CNTN1: variants seen among roughly 807,000 people sequenced by gnomAD.
CNTN1 encodes contactin-1.
CNTN1 carries 38 observed loss-of-function variants against 126.4 expected under a neutral mutation model. The ratio of observed to expected loss-of-function variants is 0.30; its 90% CI spans 0.23 to 0.39. The LOEUF is 0.39. Ranked by LOEUF, CNTN1 falls within the 10% of genes least tolerant of loss-of-function variation. The pLI is 1.00. For synonymous variants in CNTN1, 413 were observed against 422.6 expected, an observed-to-expected ratio of 0.98 and a Z score of 0.28; for missense variants, 1,009 against 1,248.4, an observed-to-expected ratio of 0.81 and a Z score of 2.89.
chr12:40,847,158 G>A (rs1942540710), intron 1 of CNTN1, among the ~76,000 whole-genome samples: 1 of 152,110 alleles, frequency 6.6e-6, no homozygotes, highest in South Asian at 2.1e-4. Context: ...GAGCGACTGT[G>A]CCTGGCCCTC....
At chr12:40,918,514 CTT>C (rs1945324499) in intron 3 of CNTN1, 123 bp from the exon 4 acceptor site, 4 of 870,644 alleles carry the variant, frequency 4.6e-6, no homozygotes, top group Non-Finnish European at 7.3e-6. Context: ...AGGCAAATAT[CTT>C]TGTTTTGAAT....
intron 15 of CNTN1, chr12:40,971,853 G>A (rs557955940): frequency 2.7e-6 from 3 of 1,118,716 alleles, no homozygotes; most frequent in Admixed American, 1.1e-4. Flanking sequence ...AAGAACTGAT[G>A]AATTGTATAA....
At chr12:40,751,332 TA>T (rs1157265171) in intron 1 of CNTN1, among the ~76,000 whole-genome samples, 1 of 152,064 alleles carries the variant, frequency 6.6e-6, no homozygotes, top group Non-Finnish European at 1.5e-5. Context: ...TTATAAAAGT[TA>T]ACTAAGTATC....
intron 1 of CNTN1, among the ~76,000 whole-genome samples, chr12:40,903,688 A>C (rs1309281838): frequency 1.3e-5 from 2 of 152,196 alleles, no homozygotes; most frequent in Non-Finnish European, 2.9e-5. Context: ...GAATGGCAAG[A>C]AATCTATATC....
chr12:40,764,482 C>T (rs1938998600), intron 1 of CNTN1, among the ~76,000 whole-genome samples: 1 of 152,092 alleles, frequency 6.6e-6, no homozygotes, highest in Non-Finnish European at 1.5e-5. Flanking sequence ...TCCTACTCTC[C>T]CACAGAGACT....
intron 1 of CNTN1, among the ~76,000 whole-genome samples, chr12:40,781,246 A>G (rs1364214837): frequency 6.6e-6 from 1 of 152,034 alleles, no homozygotes; most frequent in African/African-American, 2.4e-5. Flanking sequence ...TGTGGGACAA[A>G]AGGCCTCAGA....
At chr12:40,719,356 A>G (rs1255973120) in intron 1 of CNTN1, among the ~76,000 whole-genome samples, 12 of 152,212 alleles carry the variant, frequency 7.9e-5, no homozygotes, top group Admixed American at 7.9e-4. Context: ...GAGGCTTTAT[A>G]TATAGGCCTA....
intron 19 of CNTN1, among the ~76,000 whole-genome samples, chr12:41,019,701 T>C (rs1016261576): frequency 6.6e-6 from 1 of 152,178 alleles, no homozygotes; most frequent in Non-Finnish European, 1.5e-5. Context: ...ATTAGACATA[T>C]AAAAGCTTTC....
chr12:40,958,479 G>A (rs868252465), intron 14 of CNTN1, among the ~76,000 whole-genome samples: 6 of 151,922 alleles, frequency 3.9e-5, no homozygotes, highest in Non-Finnish European at 8.8e-5. Flanking sequence ...TTGAAATGGT[G>A]TCTCATCATC....
At chr12:40,933,374 G>A (rs887698166) in intron 7 of CNTN1, 87 bp from the exon 8 acceptor site, 21 of 939,492 alleles carry the variant, frequency 2.2e-5, no homozygotes, top group Non-Finnish European at 3.7e-5. Flanking sequence ...TGTTGGAGCA[G>A]CTCTAATCCT....
intron 1 of CNTN1, among the ~76,000 whole-genome samples, chr12:40,776,597 G>A (rs1555156177): frequency 1.1e-4 from 16 of 151,514 alleles, no homozygotes; most frequent in Non-Finnish European, 2.4e-4. Context: ...AAACAAACAG[G>A]AAACAAACAA....
chr12:40,933,812 A>G lies in CNTN1; in HGVS notation c.919A>G (p.Ile307Val), dbSNP rs756830197. 6.2e-7 allele frequency: 1 copy of G among 1,612,726 alleles called. No individual in the cohort carries two copies. Among genetic ancestry groups the G allele is most frequent in the Non-Finnish European group, 8.5e-7 (1 of 1,179,042 alleles). Residue 307 changes from isoleucine (I) to valine (V), a missense_variant, in exon 9 of 24, where the codon ATC (isoleucine) becomes GTC (valine). By Grantham distance (29) the Ile-to-Val change is conservative. Coordinates refer to ENST00000551295, the MANE Select transcript of CNTN1 (RefSeq NM_001843.4). ...CAATATTCAGCTAGAAGATGAAGGC[A>G]TCTATGAATGTGAGGCTGAGAACAT... ...IFNIQLEDEGIYECEAENIRG... is the reference protein window; with the variant it reads ...IFNIQLEDEGVYECEAENIRG...
At chr12:40,698,758 T>C (rs762402051) in intron 1 of CNTN1, among the ~76,000 whole-genome samples, 5 of 152,146 alleles carry the variant, frequency 3.3e-5, no homozygotes, top group Non-Finnish European at 5.9e-5. Flanking sequence ...TAGTAAGATG[T>C]CTGAAGTCTT....
At chr12:40,715,109 G>A (rs1180090756) in intron 1 of CNTN1, among the ~76,000 whole-genome samples, 1 of 152,118 alleles carries the variant, frequency 6.6e-6, no homozygotes. Flanking sequence ...GCCCATGATT[G>A]TTAAGCATAA....
intron 23 of CNTN1, among the ~76,000 whole-genome samples, chr12:41,051,068 G>T (rs1949664170): frequency 6.6e-6 from 1 of 151,956 alleles, no homozygotes; most frequent in African/African-American, 2.4e-5. Context: ...CCACTCCCTG[G>T]AGACACAGTA....
At chr12:41,011,476 G>A (rs1314378136) in intron 17 of CNTN1, among the ~76,000 whole-genome samples, 1 of 152,230 alleles carries the variant, frequency 6.6e-6, no homozygotes, top group African/African-American at 2.4e-5. Flanking sequence ...ATGTGACCCA[G>A]GGTGGGAGAA....
chr12:40,914,616 G>C (rs1387391718), intron 3 of CNTN1, among the ~76,000 whole-genome samples: 1 of 152,012 alleles, frequency 6.6e-6, no homozygotes, highest in Admixed American at 6.6e-5. Flanking sequence ...TTTTGTTCTA[G>C]GAAAGAGCAA....
At chr12:40,907,427 C>A (rs1415737485) in intron 1 of CNTN1, among the ~76,000 whole-genome samples, 1 of 152,158 alleles carries the variant, frequency 6.6e-6, no homozygotes, top group Non-Finnish European at 1.5e-5. Context: ...GTCTTCATAG[C>A]TACATGCTTA....
At chr12:40,863,434 T>A (rs1463401654) in intron 1 of CNTN1, among the ~76,000 whole-genome samples, 5 of 152,190 alleles carry the variant, frequency 3.3e-5, no homozygotes, top group Admixed American at 6.5e-5. Flanking sequence ...CCTTAAGTAT[T>A]TGACATAGTA....
Sources: gnomAD v4.1 joint callset for allele counts (sites outside exome capture counted in the v4.1 genomes callset) on GRCh38, gnomAD v4.1.1 for gene constraint, MANE v1.5 for transcripts, NCBI Gene and HGNC (gene_info 2026-07-23, HGNC 2026-07-21) for gene names.